The following CNTNAP2 variants were observed in gnomAD, a reference collection of about 807,000 sequenced individuals.
CNTNAP2 encodes the protein contactin associated protein 2.
CNTNAP2 carries 98 observed loss-of-function variants against 155.2 expected under a neutral mutation model. The ratio of observed to expected loss-of-function variants is 0.63; its 90% CI spans 0.54 to 0.75. The LOEUF (loss-of-function observed/expected upper bound fraction) is 0.75. Ranked by LOEUF, CNTNAP2 falls within the 30% of genes least tolerant of loss-of-function variation. The pLI is 0.00. For missense variants in CNTNAP2, 1,727 were observed against 1,688.1 expected (o/e 1.02, Z -0.40); for synonymous variants, 651 against 631.2 (o/e 1.03, Z -0.47).
chr7:148,093,495 C>A (rs1462708355), intron 15 of CNTNAP2, among the ~76,000 whole-genome samples: 2 of 152,182 alleles, frequency 1.3e-5, no homozygotes, highest in East Asian at 3.9e-4. Flanking sequence ...ATGGGAAGAG[C>A]TATAAAGTCC....
chr7:146,203,033 CTT>C (rs1179825432), intron 1 of CNTNAP2, among the ~76,000 whole-genome samples: 1 of 152,132 alleles, frequency 6.6e-6, no homozygotes, highest in Non-Finnish European at 1.5e-5. Context: ...TTCTGTGTTG[CTT>C]TGTTTTCGTC....
At chr7:146,796,959 A>G (rs1169168065) in intron 2 of CNTNAP2, among the ~76,000 whole-genome samples, 2 of 151,930 alleles carry the variant, frequency 1.3e-5, no homozygotes, top group African/African-American at 4.8e-5. Flanking sequence ...AGACCGTGAA[A>G]CCCTGTCTCT....
At chr7:147,937,840 AT>A (rs1404015901) in intron 14 of CNTNAP2, among the ~76,000 whole-genome samples, 67 of 152,194 alleles carry the variant, frequency 4.4e-4, no homozygotes, top group Non-Finnish European at 9.7e-4. Flanking sequence ...AATAAGAAGC[AT>A]TTTGAATTGG....
At chr7:147,340,882 A>G (rs1795749755) in intron 9 of CNTNAP2, among the ~76,000 whole-genome samples, 2 of 151,734 alleles carry the variant, frequency 1.3e-5, no homozygotes, top group South Asian at 2.1e-4. Context: ...CCTCCTATCT[A>G]TCTCCTGAGG....
At chr7:147,329,983 C>A (rs1032351587) in intron 9 of CNTNAP2, among the ~76,000 whole-genome samples, 2 of 152,020 alleles carry the variant, frequency 1.3e-5, no homozygotes, top group East Asian at 3.9e-4. Context: ...GGCACAGAGC[C>A]CCTAAGACCC....
At chr7:147,568,912 CT>C (rs1800228832) in intron 12 of CNTNAP2, among the ~76,000 whole-genome samples, 1 of 152,040 alleles carries the variant, frequency 6.6e-6, no homozygotes, top group African/African-American at 2.4e-5. Flanking sequence ...CAATATTTTT[CT>C]TCATCTTCTA....
At chr7:148,179,829 C>G (rs899395970) in intron 18 of CNTNAP2, among the ~76,000 whole-genome samples, 3 of 152,106 alleles carry the variant, frequency 2.0e-5, no homozygotes, top group African/African-American at 7.2e-5. Context: ...ACCTCAGGCT[C>G]AAGTCCACGT....
intron 3 of CNTNAP2, among the ~76,000 whole-genome samples, chr7:146,937,588 T>C (rs867018405): frequency 1.1e-4 from 16 of 152,078 alleles, no homozygotes; most frequent in Non-Finnish European, 1.8e-4. Context: ...TTTTGGTTTA[T>C]AAAAAGTGGC....
At chr7:148,368,902 G>A (rs760997312) in intron 21 of CNTNAP2, among the ~76,000 whole-genome samples, 7 of 152,290 alleles carry the variant, frequency 4.6e-5, no homozygotes, top group South Asian at 2.1e-4. Context: ...GTCAGGGGTC[G>A]AATTTTAACT....
intron 3 of CNTNAP2, among the ~76,000 whole-genome samples, chr7:147,008,784 G>A (rs933157005): frequency 6.6e-6 from 1 of 152,066 alleles, no homozygotes; most frequent in African/African-American, 2.4e-5. Context: ...AGCCTAGTTC[G>A]TAAGGTTTAT....
intron 1 of CNTNAP2, among the ~76,000 whole-genome samples, chr7:146,219,584 G>A (rs1799173791): frequency 1.3e-5 from 2 of 152,150 alleles, no homozygotes; most frequent in Non-Finnish European, 2.9e-5. Flanking sequence ...AAGACAGGAG[G>A]CTGAGGCTTG....
intron 1 of CNTNAP2, among the ~76,000 whole-genome samples, chr7:146,431,480 G>T (rs572518658): frequency 6.6e-6 from 1 of 152,042 alleles, no homozygotes; most frequent in African/African-American, 2.4e-5. Flanking sequence ...AATTGCTTTA[G>T]TTATTCTTCA....
At chr7:148,051,308 T>C (rs1802885080) in intron 15 of CNTNAP2, among the ~76,000 whole-genome samples, 1 of 152,208 alleles carries the variant, frequency 6.6e-6, no homozygotes, top group Non-Finnish European at 1.5e-5. Context: ...CAGTAGCATT[T>C]GGCAGCAATT....
At chr7:147,178,544 T>C (rs1416903082) in intron 8 of CNTNAP2, among the ~76,000 whole-genome samples, 1 of 152,160 alleles carries the variant, frequency 6.6e-6, no homozygotes, top group Non-Finnish European at 1.5e-5. Context: ...TATAACATTC[T>C]GGAGTTTAAG....
intron 15 of CNTNAP2, among the ~76,000 whole-genome samples, chr7:148,013,489 C>T (rs1193382575): frequency 6.6e-6 from 1 of 152,164 alleles, no homozygotes; most frequent in Admixed American, 6.5e-5. Flanking sequence ...ACATAATACC[C>T]AGCAGAAGAA....
intron 3 of CNTNAP2, among the ~76,000 whole-genome samples, chr7:146,865,752 A>G (rs1795192828): frequency 6.6e-6 from 1 of 152,166 alleles, no homozygotes; most frequent in Non-Finnish European, 1.5e-5. Flanking sequence ...AGTATTAGCC[A>G]TAAAAATGAT....
At chr7:146,309,264 G>A (rs117060790) in intron 1 of CNTNAP2, among the ~76,000 whole-genome samples, 2,326 of 152,214 alleles carry the variant, frequency 0.015, 34 homozygotes, top group Middle Eastern at 0.027. Flanking sequence ...CGTGTGATTT[G>A]TTTTAACGGT....
rs1262738572 is a variant in CNTNAP2 at position 147,977,852 on chromosome 7, T to C, written c.2256-10T>C. The C allele has an allele frequency of 6.8e-6, 11 of 1,613,946 alleles. No individual in the cohort carries two copies. Among genetic ancestry groups the C allele is most frequent in the Non-Finnish European group, 8.5e-6 (10 of 1,179,960 alleles). On this transcript the variant is annotated splice_polypyrimidine_tract_variant and intron_variant, in intron 14 of 23. Transcript: ENST00000361727. ...TCCTCATTCTTTTTCTGTCTTTCCC[T>C]GTGATCCAGGAGGAAGGATGCTGGT...
intron 11 of CNTNAP2, among the ~76,000 whole-genome samples, chr7:147,559,945 G>A (rs115377135): frequency 6.6e-6 from 1 of 151,228 alleles, no homozygotes; most frequent in East Asian, 2.0e-4. Flanking sequence ...CCGAGGCGCA[G>A]ATCACCTGAG....
Sources: gnomAD v4.1 joint callset for allele counts (sites outside exome capture counted in the v4.1 genomes callset) on GRCh38, gnomAD v4.1.1 for gene constraint, MANE v1.5 for transcripts, NCBI Gene and HGNC (gene_info 2026-07-23, HGNC 2026-07-21) for gene names.